ATP6V1H: variants seen among roughly 807,000 people sequenced by gnomAD.
ATP6V1H encodes V-type proton ATPase subunit H.
ATP6V1H carries 39 observed loss-of-function variants against 71.7 expected under a neutral mutation model. The observed-to-expected ratio is 0.54, with a 90% CI of 0.42 to 0.71. The LOEUF is 0.71. Among genes scored for constraint, ATP6V1H ranks in the 30% least tolerant of loss-of-function variants. ATP6V1H has a pLI of 0.00. For synonymous variants in ATP6V1H, 192 were observed against 199.3 expected, an observed-to-expected ratio of 0.96 and a Z score of 0.31; for missense variants, 509 against 594.9, an observed-to-expected ratio of 0.86 and a Z score of 1.50.
chr8:53,792,969 A>C (rs1281294406), intron 9 of ATP6V1H, among the ~76,000 whole-genome samples: 2 of 152,174 alleles, frequency 1.3e-5, no homozygotes, highest in African/African-American at 4.8e-5. Flanking sequence ...TGGGACAATT[A>C]TATGTGGAAT....
Position 53,726,188 on chromosome 8 carries a change from A to T in ATP6V1H, c.1392-10164T>A, listed in dbSNP as rs576776732. ...GTAAACTGCTGTATAGACATCCCTT[A>T]ACATCTACTTTTATATTTAATAATC... On this transcript the variant is annotated intron_variant, in intron 13 of 13. Coordinates refer to ENST00000359530, the MANE Select transcript of ATP6V1H (RefSeq NM_015941.4). Among the ~76,000 whole-genome samples, 353 of 152,300 alleles carry T rather than the reference A, an allele frequency of 2.3e-3. 2 individuals carry two copies. The highest frequency in any genetic ancestry group is 8.1e-3 in the African/African-American group (337 of 41,574).
intron 11 of ATP6V1H, among the ~76,000 whole-genome samples, chr8:53,763,439 A>G (rs897232586): frequency 2.6e-5 from 4 of 152,240 alleles, no homozygotes; most frequent in Admixed American, 2.0e-4. Flanking sequence ...GAAATTAAAT[A>G]CGATGTAAAC....
intron 12 of ATP6V1H, among the ~76,000 whole-genome samples, chr8:53,752,342 G>T (rs893802505): frequency 6.6e-6 from 1 of 152,134 alleles, no homozygotes; most frequent in Admixed American, 6.5e-5. Flanking sequence ...CTATTTTCTT[G>T]CTTTTGTTTG....
intron 12 of ATP6V1H, 191 bp downstream of exon 12, chr8:53,756,364 G>C (rs573948968): frequency 2.6e-6 from 1 of 389,580 alleles, no homozygotes; most frequent in Non-Finnish European, 4.6e-6. Context: ...TTACAGGCGT[G>C]AGCCACTGCA....
At chr8:53,719,683 C>T (rs1288740792) in intron 13 of ATP6V1H, among the ~76,000 whole-genome samples, 1 of 152,194 alleles carries the variant, frequency 6.6e-6, no homozygotes, top group East Asian at 1.9e-4. Context: ...CCCACACATT[C>T]TCCCCTCTCA....
intron 11 of ATP6V1H, among the ~76,000 whole-genome samples, chr8:53,765,493 AC>A (rs1808426912): frequency 6.9e-6 from 1 of 144,728 alleles, no homozygotes; most frequent in African/African-American, 2.5e-5. Context: ...ACACACACAC[AC>A]ACACACAAGA....
In ATP6V1H at chr8:53,793,076, C is replaced by T. The variant is rs144310770; in HGVS notation, c.870+2571G>A. ...CGACACCTAGAAAAGAGTTCCTACACATCAAATTTTAAAATTTGGAAGGTG... is the reference window on the plus strand; with the variant it reads ...CGACACCTAGAAAAGAGTTCCTACATATCAAATTTTAAAATTTGGAAGGTG... On this transcript the variant is annotated intron_variant, in intron 9 of 13. Coordinates refer to ENST00000359530, the MANE Select transcript of ATP6V1H (RefSeq NM_015941.4). 2.0e-3 allele frequency among the ~76,000 whole-genome samples: 311 copies of T among 152,248 alleles called. 3 individuals are homozygous for T. Among genetic ancestry groups the T allele is most frequent in the Non-Finnish European group, 3.4e-4 (23 of 68,022 alleles).
At chr8:53,751,825 A>C (rs1035634279) in intron 12 of ATP6V1H, among the ~76,000 whole-genome samples, 1 of 152,058 alleles carries the variant, frequency 6.6e-6, no homozygotes, top group Non-Finnish European at 1.5e-5. Context: ...TCATGCCACC[A>C]TGCTTGGCTA....
intron 13 of ATP6V1H, among the ~76,000 whole-genome samples, chr8:53,718,612 A>T (rs996078581): frequency 2.0e-5 from 3 of 151,634 alleles, no homozygotes; most frequent in Admixed American, 1.3e-4. Flanking sequence ...CTGGACGCTA[A>T]CTCCTGGGCT....
At chr8:53,801,680 T>C (rs541136968) in intron 8 of ATP6V1H, 119 bp downstream of exon 8, 6 of 826,684 alleles carry the variant, frequency 7.3e-6, no homozygotes, top group Middle Eastern at 3.0e-4. Flanking sequence ...GCATAGTCAA[T>C]TGTTAAACAG....
chr8:53,833,037 T>C lies in ATP6V1H; in HGVS notation c.163A>G (p.Met55Val), dbSNP rs752026205. 6.2e-7 allele frequency: 1 copy of C among 1,613,986 alleles called. No individual in the cohort carries two copies. Among genetic ancestry groups the C allele is most frequent in the Non-Finnish European group, 8.5e-7 (1 of 1,179,900 alleles). The change falls in exon 3 of 14, where the codon ATG (methionine) becomes GTG (valine). Residue 55 changes from methionine (M) to valine (V), a missense_variant. Coordinates refer to ENST00000359530, the MANE Select transcript of ATP6V1H (RefSeq NM_015941.4). ...TGCTTCTCTTCAGGGCTTCGTTTCA[T>C]TTCAAACCTCTGAATAAACTCACAA... The part of the protein sequence containing the change: ...EDCEFIQRFE[M>V]KRSPEEKQEM...
At chr8:53,818,531 A>G (rs1810528897) in intron 4 of ATP6V1H, among the ~76,000 whole-genome samples, 1 of 152,194 alleles carries the variant, frequency 6.6e-6, no homozygotes, top group Non-Finnish European at 1.5e-5. Flanking sequence ...TAGAATAACA[A>G]TTGAAATAGT....
intron 12 of ATP6V1H, among the ~76,000 whole-genome samples, chr8:53,749,793 T>C (rs940070071): frequency 2.6e-5 from 4 of 151,324 alleles, no homozygotes; most frequent in African/African-American, 7.3e-5. Context: ...GAGAGTCTGA[T>C]AGAGCTTTGA....
intron 4 of ATP6V1H, among the ~76,000 whole-genome samples, chr8:53,824,379 A>G (rs1245457556): frequency 2.0e-5 from 3 of 152,206 alleles, no homozygotes; most frequent in Non-Finnish European, 4.4e-5. Flanking sequence ...TTATCAAGCA[A>G]GTATAATGCT....
chr8:53,800,994 A>G (rs1475601476), intron 8 of ATP6V1H, among the ~76,000 whole-genome samples: 1 of 152,228 alleles, frequency 6.6e-6, no homozygotes, highest in Non-Finnish European at 1.5e-5. Context: ...GAATTGATGG[A>G]TATTGAATAG....
chr8:53,754,086 A>C (rs1351949766), intron 12 of ATP6V1H, among the ~76,000 whole-genome samples: 1 of 152,218 alleles, frequency 6.6e-6, no homozygotes, highest in East Asian at 1.9e-4. Context: ...GAACTTAGAG[A>C]AACCCCAATC....
intron 4 of ATP6V1H, 62 bp from the exon 5 acceptor site, chr8:53,817,592 T>C (rs1403362827): frequency 2.0e-6 from 2 of 1,000,004 alleles, no homozygotes; most frequent in African/African-American, 3.3e-5. Context: ...ATGTAACGAC[T>C]GTGCACCACT....
Position 53,734,072 on chromosome 8 carries a change from G to T in ATP6V1H, c.1391+9505C>A, listed in dbSNP as rs73682558. Among the ~76,000 whole-genome samples the T allele has an allele frequency of 2.1e-3, 318 of 152,276 alleles. 1 individual carries two copies. The highest frequency in any genetic ancestry group is 7.2e-3 in the African/African-American group (299 of 41,552). ...ATAAACTGACTCTTGGGCAAAACCT[G>T]AACATAAAAGCCCCCCAATGCTGTG... On this transcript the variant is annotated intron_variant, in intron 13 of 13. Transcript: ENST00000359530.
intron 13 of ATP6V1H, among the ~76,000 whole-genome samples, chr8:53,740,012 A>ATTT (rs1807358274): frequency 6.6e-6 from 1 of 152,220 alleles, no homozygotes; most frequent in African/African-American, 2.4e-5. Context: ...AAGGGGAGAA[A>ATTT]CGCTGGTATT....
Sources: gnomAD v4.1 joint callset for allele counts (sites outside exome capture counted in the v4.1 genomes callset) on GRCh38, gnomAD v4.1.1 for gene constraint, MANE v1.5 for transcripts, NCBI Gene and HGNC (gene_info 2026-07-23, HGNC 2026-07-21) for gene names.